The following ATP8A2 variants were observed in gnomAD, a reference collection of about 807,000 sequenced individuals.
ATP8A2 encodes the protein ATPase phospholipid transporting 8A2, also known as phospholipid-transporting ATPase IB.
A neutral mutation model predicts 165.6 loss-of-function variants in ATP8A2; 100 were observed. That is an observed-to-expected ratio of 0.60 (90% confidence interval 0.51 to 0.71). The LOEUF (loss-of-function observed/expected upper bound fraction) is 0.71. Among genes scored for constraint, ATP8A2 ranks in the 30% least tolerant of loss-of-function variants. ATP8A2 has a pLI of 0.00. For missense variants in ATP8A2, 1,227 were observed against 1,479.5 expected, an observed-to-expected ratio of 0.83 and a Z score of 2.80; for synonymous variants, 543 against 548.8, an observed-to-expected ratio of 0.99 and a Z score of 0.15.
chr13:25,871,328 T>C (rs1952673079), intron 33 of ATP8A2: 1 of 221,178 alleles, frequency 4.5e-6, no homozygotes, highest in Non-Finnish European at 9.3e-6. Flanking sequence ...GCCACTCTTA[T>C]TAAGAGTCTG....
intron 1 of ATP8A2, among the ~76,000 whole-genome samples, chr13:25,379,821 G>A (rs2137919849): frequency 6.6e-6 from 1 of 152,226 alleles, no homozygotes; most frequent in African/African-American, 2.4e-5. Flanking sequence ...TTGTGCTGGA[G>A]AGAATAATAG....
intron 1 of ATP8A2, among the ~76,000 whole-genome samples, chr13:25,430,959 T>C (rs1289806801): frequency 6.6e-6 from 1 of 151,952 alleles, no homozygotes; most frequent in African/African-American, 2.4e-5. Flanking sequence ...CTGGTTAATA[T>C]TGTCACTCCT....
At chr13:25,400,125 G>A (rs961282108) in intron 1 of ATP8A2, among the ~76,000 whole-genome samples, 2 of 151,956 alleles carry the variant, frequency 1.3e-5, no homozygotes, top group Non-Finnish European at 2.9e-5. Flanking sequence ...GTCTTCCTAT[G>A]TTGCCCAGGA....
chr13:26,019,466 G>C (rs765943779), intron 36 of ATP8A2, among the ~76,000 whole-genome samples: 1 of 152,334 alleles, frequency 6.6e-6, no homozygotes, highest in African/African-American at 2.4e-5. Flanking sequence ...TGTTGTGTGT[G>C]TGTTTCCCTG....
At chr13:25,587,270 G>T (rs888249193) in intron 23 of ATP8A2, among the ~76,000 whole-genome samples, 3 of 152,166 alleles carry the variant, frequency 2.0e-5, no homozygotes, top group Non-Finnish European at 2.9e-5. Context: ...TGTCTAGTGC[G>T]AGTGCTCCAA....
intron 32 of ATP8A2, among the ~76,000 whole-genome samples, chr13:25,861,330 A>T (rs941207554): frequency 6.6e-6 from 1 of 152,204 alleles, no homozygotes; most frequent in Admixed American, 6.5e-5. Flanking sequence ...TTAAATATAT[A>T]TTAGGCACAT....
At chr13:25,898,344 A>G (rs1365282419) in intron 33 of ATP8A2, among the ~76,000 whole-genome samples, 2 of 152,202 alleles carry the variant, frequency 1.3e-5, no homozygotes, top group Admixed American at 1.3e-4. Context: ...AACAGCGGAT[A>G]CTGGTGAACT....
intron 23 of ATP8A2, among the ~76,000 whole-genome samples, chr13:25,585,885 A>T (rs901611964): frequency 7.9e-5 from 12 of 152,194 alleles, no homozygotes; most frequent in African/African-American, 2.9e-4. Context: ...CAGGTGCTCC[A>T]CTATAAGCTT....
At chr13:25,460,860 G>T (rs2035485548) in intron 1 of ATP8A2, among the ~76,000 whole-genome samples, 1 of 152,062 alleles carries the variant, frequency 6.6e-6, no homozygotes, top group Non-Finnish European at 1.5e-5. Context: ...GAATGAAATT[G>T]CCCTGTTTCT....
intron 30 of ATP8A2, among the ~76,000 whole-genome samples, chr13:25,848,873 T>G (rs1417780604): frequency 6.6e-6 from 1 of 152,238 alleles, no homozygotes; most frequent in African/African-American, 2.4e-5. Context: ...CATAGCAGGT[T>G]AACTTCTGAA....
intron 1 of ATP8A2, among the ~76,000 whole-genome samples, chr13:25,378,654 A>G (rs916237473): frequency 2.0e-5 from 3 of 152,094 alleles, no homozygotes; most frequent in Non-Finnish European, 2.9e-5. Flanking sequence ...TGTTCCATAT[A>G]CAGGGTGAAT....
chr13:25,734,830 G>T (rs2043732244), intron 25 of ATP8A2, among the ~76,000 whole-genome samples: 1 of 152,058 alleles, frequency 6.6e-6, no homozygotes, highest in Non-Finnish European at 1.5e-5. Context: ...GTAGAGACGG[G>T]GTTTCACCAT....
At chr13:25,439,569 T>C (rs1161769556) in intron 1 of ATP8A2, among the ~76,000 whole-genome samples, 1 of 152,172 alleles carries the variant, frequency 6.6e-6, no homozygotes, top group Non-Finnish European at 1.5e-5. Context: ...CCACATATGG[T>C]TTTGTTAAAC....
At chr13:25,843,314 G>C (rs116504992) in intron 30 of ATP8A2, among the ~76,000 whole-genome samples, 1 of 152,106 alleles carries the variant, frequency 6.6e-6, no homozygotes, top group East Asian at 1.9e-4. Flanking sequence ...TGAGAGGCTC[G>C]GGACACTGGG....
chr13:25,732,003 G>T (rs1188138338), intron 25 of ATP8A2, among the ~76,000 whole-genome samples: 4 of 152,150 alleles, frequency 2.6e-5, no homozygotes, highest in Non-Finnish European at 5.9e-5. Context: ...GGACTCCGGG[G>T]TCCCTGAATT....
chr13:25,851,387 G>A (rs1245214920), intron 30 of ATP8A2, among the ~76,000 whole-genome samples: 1 of 152,128 alleles, frequency 6.6e-6, no homozygotes, highest in East Asian at 1.9e-4. Context: ...TTCAAGACCA[G>A]CCTGGCCAAC....
chr13:25,616,462 ACT>A (rs2040830000), intron 24 of ATP8A2, among the ~76,000 whole-genome samples: 1 of 149,754 alleles, frequency 6.7e-6, no homozygotes, highest in Non-Finnish European at 1.5e-5. Flanking sequence ...CTCCCAAGTA[ACT>A]GGGATTACAG....
At chr13:25,721,179 G>A (rs543529705) in intron 25 of ATP8A2, among the ~76,000 whole-genome samples, 1 of 150,962 alleles carries the variant, frequency 6.6e-6, no homozygotes, top group African/African-American at 2.4e-5. Context: ...TTCTCAGGTT[G>A]GTCTCAAACT....
At chr13:25,612,957 C>G in intron 24 of ATP8A2, among the ~76,000 whole-genome samples, 1 of 152,140 alleles carries the variant, frequency 6.6e-6, no homozygotes, top group Non-Finnish European at 1.5e-5. Flanking sequence ...ATAGCTACTT[C>G]TGCATGCTTT....
Sources: gnomAD v4.1 joint callset for allele counts (sites outside exome capture counted in the v4.1 genomes callset) on GRCh38, gnomAD v4.1.1 for gene constraint, MANE v1.5 for transcripts, NCBI Gene and HGNC (gene_info 2026-07-23, HGNC 2026-07-21) for gene names.